TENM2: variants seen among roughly 807,000 people sequenced by gnomAD.
TENM2 encodes teneurin transmembrane protein 2.
A neutral mutation model predicts 245.2 loss-of-function variants in TENM2; 52 were observed. The ratio of observed to expected loss-of-function variants is 0.21; its 90% CI spans 0.17 to 0.27. The LOEUF is 0.27. Ranked by LOEUF, TENM2 falls within the 10% of genes least tolerant of loss-of-function variation. The pLI, the probability that TENM2 is intolerant of heterozygous loss-of-function variation, is 1.00. For synonymous variants in TENM2, 1,363 were observed against 1,438.9 expected, an observed-to-expected ratio of 0.95 and a Z score of 1.19; for missense variants, 3,046 against 3,666.8, an observed-to-expected ratio of 0.83 and a Z score of 4.37.
the TENM2 span, among the ~76,000 whole-genome samples, chr5:167,063,132 A>T: frequency 6.6e-6 from 1 of 152,104 alleles, no homozygotes; most frequent in Non-Finnish European, 1.5e-5. Flanking sequence ...CTGTATTTCA[A>T]GTATAAGAAT....
At chr5:167,670,987 A>C (rs1342675699) in intron 2 of TENM2, among the ~76,000 whole-genome samples, 1 of 152,112 alleles carries the variant, frequency 6.6e-6, no homozygotes, top group South Asian at 2.1e-4. Flanking sequence ...AAATTAATTA[A>C]AGGGACTCTT....
chr5:168,219,102 T>A (rs1763449780), intron 23 of TENM2, 103 bp downstream of exon 25: 1 of 1,188,118 alleles, frequency 8.4e-7, no homozygotes, highest in African/African-American at 1.5e-5. Context: ...TGTCACGTTG[T>A]CTTTCTAACT....
intron 2 of TENM2, among the ~76,000 whole-genome samples, chr5:167,752,244 G>A (rs975908208): frequency 8.1e-5 from 12 of 148,692 alleles, no homozygotes; most frequent in South Asian, 4.3e-4. Context: ...TCAGGTGCCC[G>A]CCACCATGCC....
chr5:167,510,057 T>C (rs1008129554), intron 2 of TENM2, among the ~76,000 whole-genome samples: 1 of 152,184 alleles, frequency 6.6e-6, no homozygotes, highest in Admixed American at 6.6e-5. Flanking sequence ...TCTCCATCCG[T>C]CATATAGATT....
the TENM2 span, among the ~76,000 whole-genome samples, chr5:167,032,026 A>C: frequency 6.6e-6 from 1 of 152,162 alleles, no homozygotes; most frequent in African/African-American, 2.4e-5. Flanking sequence ...CTGGATTAAA[A>C]CACCTAGGTC....
intron 1 of TENM2, among the ~76,000 whole-genome samples, chr5:167,372,639 CAT>C (rs1760505669): frequency 6.6e-6 from 1 of 152,214 alleles, no homozygotes; most frequent in African/African-American, 2.4e-5. Context: ...CAAATCCTCA[CAT>C]GTGGAATAAA....
chr5:167,640,691 T>G (rs981541602), intron 2 of TENM2, among the ~76,000 whole-genome samples: 7 of 150,352 alleles, frequency 4.7e-5, no homozygotes, highest in Non-Finnish European at 8.9e-5. Flanking sequence ...AAGACCCGGA[T>G]ACCACTTAGT....
At chr5:167,301,371 GTT>G (rs1755318399) in intron 1 of TENM2, among the ~76,000 whole-genome samples, 1 of 152,216 alleles carries the variant, frequency 6.6e-6, no homozygotes, top group Non-Finnish European at 1.5e-5. Flanking sequence ...GGGGGAGGCA[GTT>G]CTGGAGGAAT....
the TENM2 span, among the ~76,000 whole-genome samples, chr5:167,245,390 G>A: frequency 6.6e-6 from 1 of 152,098 alleles, no homozygotes; most frequent in Non-Finnish European, 1.5e-5. Flanking sequence ...CAAGGAAACA[G>A]GTATTCTCAT....
chr5:167,773,446 A>G (rs1228660547), intron 2 of TENM2, among the ~76,000 whole-genome samples: 1 of 152,062 alleles, frequency 6.6e-6, no homozygotes, highest in Admixed American at 6.5e-5. Context: ...AAGAAAATAT[A>G]TTTTCCTATC....
chr5:167,576,594 A>G (rs1453218218), intron 2 of TENM2, among the ~76,000 whole-genome samples: 1 of 152,198 alleles, frequency 6.6e-6, no homozygotes, highest in African/African-American at 2.4e-5. Flanking sequence ...ACTTAACTGC[A>G]CATTACTATT....
the TENM2 span, among the ~76,000 whole-genome samples, chr5:167,255,916 T>TC: frequency 6.6e-6 from 1 of 152,140 alleles, no homozygotes. Context: ...AATTTTTTTT[T>TC]CCTCTCCAGA....
the TENM2 span, among the ~76,000 whole-genome samples, chr5:167,246,755 A>G: frequency 1.3e-5 from 2 of 151,898 alleles, no homozygotes; most frequent in East Asian, 3.9e-4. Context: ...GTTAGGGGGT[A>G]GTTTCATGTT....
intron 2 of TENM2, among the ~76,000 whole-genome samples, chr5:167,718,804 G>T (rs116267236): frequency 0.011 from 1,652 of 151,530 alleles, 27 homozygotes; most frequent in African/African-American, 0.038. Flanking sequence ...AGAATTTACC[G>T]GTTCGGTGAT....
At chr5:167,413,711 C>G (rs1192094448) in intron 2 of TENM2, among the ~76,000 whole-genome samples, 1 of 152,096 alleles carries the variant, frequency 6.6e-6, no homozygotes, top group Non-Finnish European at 1.5e-5. Context: ...AGTATAAAAT[C>G]ATAAAACTTT....
At chr5:167,782,412 C>T (rs955657979) in intron 2 of TENM2, among the ~76,000 whole-genome samples, 3 of 151,368 alleles carry the variant, frequency 2.0e-5, no homozygotes, top group African/African-American at 7.3e-5. Flanking sequence ...AACTTGGCCT[C>T]TAAAGCAAAT....
At chr5:167,239,188 T>C in the TENM2 span, among the ~76,000 whole-genome samples, 103 of 152,358 alleles carry the variant, frequency 6.8e-4, no homozygotes, top group East Asian at 0.015. Flanking sequence ...TAAGTTATAA[T>C]GTCGAATGTC....
At chr5:167,049,159 G>A in the TENM2 span, among the ~76,000 whole-genome samples, 92 of 152,306 alleles carry the variant, frequency 6.0e-4, no homozygotes, top group Non-Finnish European at 1.2e-3. Context: ...AAGCTACATA[G>A]TAATTTATTT....
intron 2 of TENM2, among the ~76,000 whole-genome samples, chr5:167,524,599 T>C (rs1338610279): frequency 6.6e-6 from 1 of 152,058 alleles, no homozygotes; most frequent in African/African-American, 2.4e-5. Flanking sequence ...ATTCTGCTTT[T>C]TAACGAGCTC....
Sources: allele counts gnomAD v4.1 joint callset (sites outside exome capture counted in the v4.1 genomes callset), GRCh38; gene constraint gnomAD v4.1.1; transcripts MANE v1.5; gene names NCBI Gene and HGNC (gene_info 2026-07-23, HGNC 2026-07-21).